The following OR8J1 variants were observed in gnomAD, a reference collection of about 807,000 sequenced individuals.
OR8J1 encodes the protein olfactory receptor 8J1.
For synonymous variants in OR8J1, 157 were observed against 144.3 expected, an observed-to-expected ratio of 1.09 and a Z score of -0.63; for missense variants, 400 against 373.0, an observed-to-expected ratio of 1.07 and a Z score of -0.60.
At chr11:56,356,326 T>C (rs1379477414) in intron 1 of OR8J1, among the ~76,000 whole-genome samples, 3 of 152,226 alleles carry the variant, frequency 2.0e-5, no homozygotes. Context: ...TGAATATGAC[T>C]TTTGTGATTA....
At chr11:56,358,880 G>A (rs1440231883) in intron 1 of OR8J1, among the ~76,000 whole-genome samples, 1 of 152,094 alleles carries the variant, frequency 6.6e-6, no homozygotes, top group Admixed American at 6.5e-5. Context: ...TGAAAAACAA[G>A]AAAAAGTGTG....
chr11:56,358,471 C>T (rs972501301), intron 1 of OR8J1, among the ~76,000 whole-genome samples: 20 of 152,094 alleles, frequency 1.3e-4, no homozygotes, highest in Non-Finnish European at 2.6e-4. Flanking sequence ...GAATGTTCTT[C>T]CTATGATTCA....
chr11:56,358,044 G>A (rs1276253203), intron 1 of OR8J1: 54 of 648,590 alleles, frequency 8.3e-5, no homozygotes, highest in Non-Finnish European at 1.3e-4. Flanking sequence ...TGGAGGAGAC[G>A]TATAAGAAAG....
chr11:56,357,570 C>A, intron 1 of OR8J1: 3 of 997,644 alleles, frequency 3.0e-6, no homozygotes, highest in South Asian at 2.5e-5. Context: ...TGCACACGAA[C>A]TGCCAAAATA....
Position 56,360,392 on chromosome 11 carries a change from C to A in OR8J1, c.146C>A (p.Thr49Asn), listed in dbSNP as rs1258618310. The part of the protein sequence containing the change: ...MAGNLGIITL[T>N]SVDSRLQTPM... ...GGGAACCTGGGCATCATCACCCTCA[C>A]CAGTGTTGACTCTCGACTTCAAACC... Residue 49 changes from threonine (T) to asparagine (N), a missense_variant, in exon 2 of 2, where the codon ACC (threonine) becomes AAC (asparagine). Thr to Asn is a moderately conservative substitution (Grantham distance 65). Transcript: ENST00000533152. 2 of 1,614,154 alleles carry A rather than the reference C, an allele frequency of 1.2e-6. No homozygotes were observed. Among genetic ancestry groups the A allele is most frequent in the Middle Eastern group, 1.6e-4 (1 of 6,062 alleles).
chr11:56,356,763 T>C (rs1457911661), intron 1 of OR8J1, among the ~76,000 whole-genome samples: 1 of 152,232 alleles, frequency 6.6e-6, no homozygotes, highest in African/African-American at 2.4e-5. Context: ...TTCTCAAGCC[T>C]AACCACATCA....
Position 56,360,720 on chromosome 11 carries a change from G to C in OR8J1, c.474G>C (p.Val158=), listed in dbSNP as rs1386315339. 2.0e-5 allele frequency: 32 copies of C among 1,608,864 alleles called. No individual in the cohort carries two copies. Among genetic ancestry groups the C allele is most frequent in the Non-Finnish European group, 2.5e-5 (30 of 1,178,362 alleles). The part of the protein sequence containing the change: ...TYLYGFSTAI[V]VSSYVFSVSY... ...TCTATGGCTTTTCTACAGCTATTGT[G>C]GTTTCATCTTATGTATTCTCTGTGT... The change falls in exon 2 of 2, where the codon GTG becomes GTC. Residue 158 remains valine, a synonymous_variant. Coordinates refer to ENST00000533152, the MANE Select transcript of OR8J1 (RefSeq NM_001005205.3).
intron 1 of OR8J1, chr11:56,357,526 G>A: frequency 1.2e-6 from 1 of 848,000 alleles, no homozygotes; most frequent in Non-Finnish European, 2.0e-6. Context: ...GCTTATGGCT[G>A]TATAGAGGGG....
chr11:56,359,740 G>A (rs1425914710), intron 1 of OR8J1, among the ~76,000 whole-genome samples: 2 of 152,114 alleles, frequency 1.3e-5, no homozygotes, highest in Non-Finnish European at 1.5e-5. Flanking sequence ...TGAGTTAAAT[G>A]TGCATAATAC....
intron 1 of OR8J1, among the ~76,000 whole-genome samples, chr11:56,359,999 C>A (rs929545854): frequency 2.6e-5 from 4 of 152,174 alleles, no homozygotes; most frequent in Non-Finnish European, 4.4e-5. Context: ...CAAAATGTTT[C>A]ATGATGCTGG....
chr11:56,358,856 T>G (rs888093807), intron 1 of OR8J1, among the ~76,000 whole-genome samples: 3 of 152,082 alleles, frequency 2.0e-5, no homozygotes, highest in Non-Finnish European at 4.4e-5. Context: ...AATAAATAAA[T>G]AAGAAGATTA....
intron 1 of OR8J1, among the ~76,000 whole-genome samples, chr11:56,358,902 G>A (rs1356563445): frequency 6.6e-6 from 1 of 152,138 alleles, no homozygotes; most frequent in Admixed American, 6.5e-5. Flanking sequence ...TGTTTGGTTT[G>A]AGAATCAAAC....
intron 1 of OR8J1, among the ~76,000 whole-genome samples, chr11:56,358,591 A>G (rs1205085413): frequency 2.6e-5 from 4 of 152,170 alleles, no homozygotes; most frequent in Non-Finnish European, 5.9e-5. Context: ...TTAAAACTAA[A>G]AAGAAACTGC....
chr11:56,355,073 T>C (rs897709596), intron 1 of OR8J1, among the ~76,000 whole-genome samples: 8 of 151,992 alleles, frequency 5.3e-5, no homozygotes. Context: ...AAGAGGAATA[T>C]AGAAAAAAAC....
intron 1 of OR8J1, chr11:56,357,443 TA>T: frequency 1.1e-6 from 1 of 892,058 alleles, no homozygotes; most frequent in Non-Finnish European, 1.8e-6. Context: ...TGATACAGGA[TA>T]AAAATAAATA....
chr11:56,354,342 T>C lies in OR8J1; in HGVS notation c.-21+17T>C, dbSNP rs1439887494. The C allele has an allele frequency of 1.3e-5, 2 of 152,186 alleles. No homozygotes were observed. Among genetic ancestry groups the C allele is most frequent in the African/African-American group, 4.8e-5 (2 of 41,460 alleles). The allele number at this position is 152,186 out of a possible 1,614,324, so 9.4% of individuals were successfully genotyped here. On this transcript the variant is annotated intron_variant, in intron 1 of 1. Coordinates refer to ENST00000533152, the MANE Select transcript of OR8J1 (RefSeq NM_001005205.3). ...CCTCTAGAGGTGGGTGGAAAAGACTTACCTTATTTTTGTATAATGACCATA... is the reference window on the plus strand; with the variant it reads ...CCTCTAGAGGTGGGTGGAAAAGACTCACCTTATTTTTGTATAATGACCATA...
In OR8J1 at chr11:56,360,868, G is replaced by A; in HGVS notation, c.622G>A (p.Val208Ile). The change falls in exon 2 of 2, where the codon GTT becomes ATT. Residue 208 changes from valine to isoleucine, a missense_variant. By Grantham distance (29) the Val-to-Ile change is conservative. Transcript: ENST00000533152. ...CTTTATATCTGCAGCAACAAATGTG[G>A]TTGGTTCCTTGATTATAGTTCTAGT... ...VVFISAATNV[V>I]GSLIIVLVSY... The A allele has an allele frequency of 6.6e-7, 1 of 1,504,704 alleles. No homozygotes were observed. Among genetic ancestry groups the A allele is most frequent in the Non-Finnish European group, 8.8e-7 (1 of 1,132,028 alleles). The allele number at this position is 1,504,704 out of a possible 1,614,324, so 93.2% of individuals were successfully genotyped here.
At position 56,360,294 on chromosome 11, in the gene OR8J1, T is replaced by G. The variant is rs1295036524; in HGVS notation, c.48T>G (p.Gly16=). ...FTRVTEFILT[G]VSSCPELQIP... is the part of the protein sequence containing the mutation. ...GAGTCACTGAGTTTATTCTTACAGG[T>G]GTCTCTAGCTGTCCAGAGCTCCAGA... The change falls in exon 2 of 2, where the codon GGT becomes GGG. Residue 16 remains glycine, a synonymous_variant. Coordinates refer to ENST00000533152, the MANE Select transcript of OR8J1 (RefSeq NM_001005205.3). The G allele has an allele frequency of 6.2e-7, 1 of 1,600,732 alleles. No individual in the cohort carries two copies. The highest frequency in any genetic ancestry group is 8.5e-7 in the Non-Finnish European group (1 of 1,176,182).
At chr11:56,355,509 T>A in intron 1 of OR8J1, among the ~76,000 whole-genome samples, 1 of 152,070 alleles carries the variant, frequency 6.6e-6, no homozygotes, top group African/African-American at 2.4e-5. Flanking sequence ...CCGCCTGTAA[T>A]CCCAGCTACT....
Sources: allele counts gnomAD v4.1 joint callset (sites outside exome capture counted in the v4.1 genomes callset), GRCh38; gene constraint gnomAD v4.1.1; transcripts MANE v1.5; gene names NCBI Gene and HGNC (gene_info 2026-07-23, HGNC 2026-07-21).